The following GLIS3 variants were observed in gnomAD, a reference collection of about 807,000 sequenced individuals.
GLIS3 encodes the protein zinc finger protein GLIS3.
GLIS3 carries 53 observed loss-of-function variants against 78.6 expected under a neutral mutation model. The ratio of observed to expected loss-of-function variants is 0.67; its 90% CI spans 0.54 to 0.85. The LOEUF (loss-of-function observed/expected upper bound fraction) is 0.85, where lower values mean the gene tolerates loss of function less well. Among genes scored for constraint, GLIS3 ranks in the 40% least tolerant of loss-of-function variants. GLIS3 has a pLI of 0.00. For missense variants in GLIS3, 1,703 were observed against 1,231.1 expected, an observed-to-expected ratio of 1.38 and a Z score of -5.74; for synonymous variants, 684 against 509.9, an observed-to-expected ratio of 1.34 and a Z score of -4.60.
the GLIS3 span, among the ~76,000 whole-genome samples, chr9:4,452,364 G>T: frequency 6.6e-6 from 1 of 152,122 alleles, no homozygotes; most frequent in Non-Finnish European, 1.5e-5. Flanking sequence ...GTTCAAATAG[G>T]AAGACAGGAA....
intron 2 of GLIS3, among the ~76,000 whole-genome samples, chr9:4,199,772 A>T (rs1367221360): frequency 6.6e-6 from 1 of 152,162 alleles, no homozygotes; most frequent in Non-Finnish European, 1.5e-5. Flanking sequence ...ACAAACAAAC[A>T]AAATCTGTAG....
chr9:4,417,743 G>A, the GLIS3 span, among the ~76,000 whole-genome samples: 1 of 152,192 alleles, frequency 6.6e-6, no homozygotes, highest in Non-Finnish European at 1.5e-5. Flanking sequence ...CATTATGTGA[G>A]AATTCCTGTT....
chr9:4,428,749 A>G, the GLIS3 span, among the ~76,000 whole-genome samples: 1 of 152,290 alleles, frequency 6.6e-6, no homozygotes, highest in Admixed American at 6.5e-5. Context: ...AAAGCAAGAT[A>G]TTTCTATAGA....
the GLIS3 span, among the ~76,000 whole-genome samples, chr9:4,356,389 A>C: frequency 6.6e-6 from 1 of 152,238 alleles, no homozygotes; most frequent in Non-Finnish European, 1.5e-5. Context: ...CGACAAAGCA[A>C]TATGATTGAG....
At chr9:4,060,975 C>G (rs1373471780) in intron 4 of GLIS3, among the ~76,000 whole-genome samples, 1 of 152,186 alleles carries the variant, frequency 6.6e-6, no homozygotes, top group African/African-American at 2.4e-5. Context: ...TTCCTACTTT[C>G]TGGCCTATCT....
the GLIS3 span, among the ~76,000 whole-genome samples, chr9:4,468,236 C>T: frequency 2.6e-5 from 4 of 152,098 alleles, no homozygotes; most frequent in African/African-American, 7.2e-5. Flanking sequence ...GGAGAATTTC[C>T]CCAACCTAGC....
intron 2 of GLIS3, among the ~76,000 whole-genome samples, chr9:4,332,114 A>T (rs1377854652): frequency 6.6e-6 from 1 of 152,186 alleles, no homozygotes; most frequent in Non-Finnish European, 1.5e-5. Flanking sequence ...TCCCATCACT[A>T]ACTATTCTGG....
At chr9:3,927,761 G>A (rs1825350628) in intron 6 of GLIS3, among the ~76,000 whole-genome samples, 1 of 152,102 alleles carries the variant, frequency 6.6e-6, no homozygotes, top group Non-Finnish European at 1.5e-5. Flanking sequence ...TCACTATGTA[G>A]CATCAAAATG....
the GLIS3 span, among the ~76,000 whole-genome samples, chr9:4,414,683 T>C: frequency 4.6e-5 from 7 of 152,272 alleles, no homozygotes; most frequent in East Asian, 1.4e-3. Flanking sequence ...CACCTCCTCC[T>C]AGCCCATCTG....
At position 4,118,334 on chromosome 9, in the gene GLIS3, G is replaced by A. The variant is rs1586723403; in HGVS notation, c.1144C>T (p.Pro382Ser). 3 of 1,575,606 alleles carry A rather than the reference G, an allele frequency of 1.9e-6. No homozygotes were observed. The highest frequency in any genetic ancestry group is 1.7e-6 in the Non-Finnish European group (2 of 1,164,310). ...VLVAPGGLALPAYGEDGALEH... is the reference protein window; with the variant it reads ...VLVAPGGLALSAYGEDGALEH... ...AGGGCCCCGTCCTCGCCGTAGGCCGGCAGCGCCAGGCCTCCAGGGGCCACC... is the reference window on the plus strand; with the variant it reads ...AGGGCCCCGTCCTCGCCGTAGGCCGACAGCGCCAGGCCTCCAGGGGCCACC... Residue 382 changes from proline (P) to serine (S), a missense_variant, in exon 4 of 11, where the codon CCG (proline) becomes TCG (serine). Pro to Ser is a moderately conservative substitution (Grantham distance 74). Coordinates refer to ENST00000381971, the MANE Select transcript of GLIS3 (RefSeq NM_001042413.2). This position sits in a 1 kb window ranked among gnomAD's most constrained non-coding sequence, Gnocchi z 4.7.
At chr9:3,918,895 C>A (rs1399840152) in intron 6 of GLIS3, among the ~76,000 whole-genome samples, 2 of 152,192 alleles carry the variant, frequency 1.3e-5, no homozygotes, top group Non-Finnish European at 2.9e-5. Context: ...TGTTCACCAA[C>A]CAACCTTTTG....
At chr9:4,464,686 T>C in the GLIS3 span, among the ~76,000 whole-genome samples, 19 of 152,174 alleles carry the variant, frequency 1.2e-4, no homozygotes, top group Admixed American at 8.5e-4. Flanking sequence ...TGAGCCACCA[T>C]GCCTGGCCTG....
At chr9:4,405,796 T>G in the GLIS3 span, among the ~76,000 whole-genome samples, 1 of 149,724 alleles carries the variant, frequency 6.7e-6, no homozygotes, top group African/African-American at 2.4e-5. Flanking sequence ...GTATCTCTGA[T>G]GAATATTGAT....
chr9:3,877,111 G>A (rs1204650724), intron 8 of GLIS3, among the ~76,000 whole-genome samples: 1 of 152,166 alleles, frequency 6.6e-6, no homozygotes, highest in African/African-American at 2.4e-5. Flanking sequence ...GTGAAGGGAG[G>A]TTCCGATTGA....
chr9:4,314,511 G>A (rs1270136258), intron 2 of GLIS3, among the ~76,000 whole-genome samples: 3 of 152,256 alleles, frequency 2.0e-5, no homozygotes, highest in Non-Finnish European at 2.9e-5. Flanking sequence ...GAACTTTGAT[G>A]ATGCTATGTG....
the GLIS3 span, among the ~76,000 whole-genome samples, chr9:4,474,025 A>G: frequency 1.3e-5 from 2 of 152,246 alleles, no homozygotes; most frequent in Middle Eastern, 3.4e-3. Flanking sequence ...TTCCCCCCTA[A>G]AGCTATCTAA....
chr9:4,214,895 T>C (rs546582163), intron 2 of GLIS3, among the ~76,000 whole-genome samples: 11 of 152,220 alleles, frequency 7.2e-5, no homozygotes, highest in Non-Finnish European at 1.5e-4. Flanking sequence ...TAATCATTTA[T>C]CCAAGAGGGG....
intron 2 of GLIS3, among the ~76,000 whole-genome samples, chr9:4,335,886 G>C (rs1173375928): frequency 6.6e-6 from 1 of 152,146 alleles, no homozygotes; most frequent in African/African-American, 2.4e-5. Flanking sequence ...CCAGTTCCAA[G>C]AAATTCAGTT....
intron 4 of GLIS3, among the ~76,000 whole-genome samples, chr9:4,050,040 C>T (rs1251452176): frequency 6.6e-6 from 1 of 152,146 alleles, no homozygotes; most frequent in Non-Finnish European, 1.5e-5. Context: ...GACAGTGTGG[C>T]AATTCCTCAG....
Sources: allele counts gnomAD v4.1 joint callset (sites outside exome capture counted in the v4.1 genomes callset), GRCh38; gene constraint gnomAD v4.1.1; non-coding constraint Gnocchi (gnomAD v3.1); transcripts MANE v1.5; gene names NCBI Gene and HGNC (gene_info 2026-07-23, HGNC 2026-07-21).